AGBL4: variants seen among roughly 807,000 people sequenced by gnomAD.
The protein encoded by AGBL4 is cytosolic carboxypeptidase 6.
In AGBL4, 58 loss-of-function variants were observed where a neutral mutation model predicts 66.4. The observed-to-expected ratio is 0.87, with a 90% CI of 0.71 to 1.09. The LOEUF is 1.09. AGBL4 is among the 50% of genes least tolerant of loss of function. AGBL4 has a pLI of 0.00. For synonymous variants in AGBL4, 234 were observed against 222.9 expected, an observed-to-expected ratio of 1.05 and a Z score of -0.44; for missense variants, 579 against 631.0, an observed-to-expected ratio of 0.92 and a Z score of 0.88.
At chr1:48,619,072 T>C (rs1376453982) in intron 9 of AGBL4, among the ~76,000 whole-genome samples, 1 of 152,192 alleles carries the variant, frequency 6.6e-6, no homozygotes, top group South Asian at 2.1e-4. Context: ...CTGGTGAGCA[T>C]GCCCACCCTG....
At chr1:49,146,443 T>G (rs536558250) in intron 4 of AGBL4, among the ~76,000 whole-genome samples, 2 of 152,222 alleles carry the variant, frequency 1.3e-5, no homozygotes, top group Admixed American at 6.5e-5. Flanking sequence ...AAAAGGTATC[T>G]AGCATTGTGG....
chr1:49,080,309 C>A (rs920395674), intron 4 of AGBL4, among the ~76,000 whole-genome samples: 12 of 152,050 alleles, frequency 7.9e-5, no homozygotes, highest in African/African-American at 2.7e-4. Context: ...CTTGAAGCAA[C>A]AATATGGTAC....
At chr1:49,648,492 A>G (rs772757552) in intron 3 of AGBL4, among the ~76,000 whole-genome samples, 8 of 152,146 alleles carry the variant, frequency 5.3e-5, no homozygotes, top group Non-Finnish European at 8.8e-5. Context: ...AATGTCAGAC[A>G]CAAAACCACA....
intron 5 of AGBL4, among the ~76,000 whole-genome samples, chr1:49,020,824 A>ACAGGAAGG (rs1316736823): frequency 3.3e-5 from 5 of 152,192 alleles, no homozygotes; most frequent in Non-Finnish European, 2.9e-5. Flanking sequence ...ATCCTAAAAT[A>ACAGGAAGG]CAGGAAGGCC....
chr1:49,677,541 G>T (rs1646604608), intron 3 of AGBL4, among the ~76,000 whole-genome samples: 1 of 151,954 alleles, frequency 6.6e-6, no homozygotes, highest in East Asian at 1.9e-4. Flanking sequence ...TTGGTCTGTA[G>T]TTTTATCTTT....
At chr1:49,569,478 C>T (rs973242126) in intron 3 of AGBL4, among the ~76,000 whole-genome samples, 4 of 151,846 alleles carry the variant, frequency 2.6e-5, no homozygotes, top group Non-Finnish European at 5.9e-5. Context: ...TTTCATGTAC[C>T]CCATAAATAT....
chr1:48,622,933 G>A (rs1418577755), intron 9 of AGBL4, among the ~76,000 whole-genome samples: 1 of 152,174 alleles, frequency 6.6e-6, no homozygotes, highest in Non-Finnish European at 1.5e-5. Context: ...AAAGGTTAAG[G>A]AACCTGCCCA....
chr1:49,156,467 G>C (rs1646432214), intron 4 of AGBL4, among the ~76,000 whole-genome samples: 1 of 152,146 alleles, frequency 6.6e-6, no homozygotes, highest in Non-Finnish European at 1.5e-5. Flanking sequence ...AAATTAGCTA[G>C]ATTGTTCTAG....
At chr1:48,724,231 A>G (rs1309231087) in intron 6 of AGBL4, among the ~76,000 whole-genome samples, 3 of 152,206 alleles carry the variant, frequency 2.0e-5, no homozygotes, top group East Asian at 3.8e-4. Context: ...TAATAACCCC[A>G]TAACTAGACC....
chr1:49,245,902 T>C (rs1651605994), intron 3 of AGBL4, 38 bp from the exon 4 acceptor site: 14 of 1,437,630 alleles, frequency 9.7e-6, no homozygotes, highest in Non-Finnish European at 1.2e-5. Flanking sequence ...CTTTATGCTA[T>C]GCAAATTGTA....
chr1:48,634,264 C>A (rs1570079410), intron 9 of AGBL4: 2 of 367,458 alleles, frequency 5.4e-6, no homozygotes. Flanking sequence ...TTTCCTTTAA[C>A]CCTCCAGACC....
chr1:49,429,852 T>TTA (rs1557933027), intron 3 of AGBL4, among the ~76,000 whole-genome samples: 1 of 131,548 alleles, frequency 7.6e-6, no homozygotes, highest in Admixed American at 7.2e-5. Flanking sequence ...TTGAATATAT[T>TTA]TTTTTTTTTT....
At chr1:49,418,571 A>G (rs1423115112) in intron 3 of AGBL4, among the ~76,000 whole-genome samples, 1 of 152,232 alleles carries the variant, frequency 6.6e-6, no homozygotes, top group Non-Finnish European at 1.5e-5. Context: ...GGAGTCAGGG[A>G]CAATTTTCTT....
chr1:48,668,509 G>A (rs1646225666), intron 6 of AGBL4, among the ~76,000 whole-genome samples: 1 of 152,122 alleles, frequency 6.6e-6, no homozygotes, highest in African/African-American at 2.4e-5. Flanking sequence ...GCCCCAGCTA[G>A]CACTCCATGG....
rs58132063 is a variant in AGBL4, at chr1:49,896,608, AACACACACACACAC to A, written c.35-45104_35-45091del. Among the ~76,000 whole-genome samples, 67 of 133,792 alleles carry A rather than the reference AACACACACACACAC, an allele frequency of 5.0e-4. 1 individual carries two copies. Among genetic ancestry groups the A allele is most frequent in the African/African-American group, 8.5e-4 (31 of 36,272 alleles). The allele number at this position is 133,792 out of a possible 152,430, so 87.8% of individuals were successfully genotyped here. A position where few individuals can be genotyped will look rare whatever the true frequency, so the allele number is the denominator to read the frequency against. On this transcript the variant is annotated intron_variant, in intron 1 of 13. Transcript: ENST00000371839. ...CCAAAACCAGAAACAGACCCATGAA[AACACACACACACAC>A]ACACACACACACACACACACACACA...
At chr1:49,951,946 A>C in intron 1 of AGBL4, among the ~76,000 whole-genome samples, 1 of 151,830 alleles carries the variant, frequency 6.6e-6, no homozygotes, top group East Asian at 1.9e-4. Context: ...AGAGGGAAGG[A>C]AGAAGCGAGG....
chr1:48,846,385 G>GAAAT (rs1469594787), intron 6 of AGBL4, among the ~76,000 whole-genome samples: 1 of 149,022 alleles, frequency 6.7e-6, no homozygotes, highest in African/African-American at 2.5e-5. Flanking sequence ...AAGAAAGAAA[G>GAAAT]AAAGAAAGAA....
At chr1:48,873,804 A>G (rs61785991) in intron 5 of AGBL4, among the ~76,000 whole-genome samples, 81,389 of 151,882 alleles carry the variant, frequency 0.54, 23,334 homozygotes, top group Non-Finnish European at 0.66. Context: ...CAGGAATTGG[A>G]CCACAGAGAA....
intron 6 of AGBL4, among the ~76,000 whole-genome samples, chr1:48,710,956 CAG>C (rs200191949): frequency 6.6e-6 from 1 of 150,956 alleles, no homozygotes; most frequent in Non-Finnish European, 1.5e-5. Context: ...AGGAAGCCTC[CAG>C]TGACAAACCT....
Sources: allele counts gnomAD v4.1 joint callset (sites outside exome capture counted in the v4.1 genomes callset), GRCh38; gene constraint gnomAD v4.1.1; transcripts MANE v1.5; gene names NCBI Gene and HGNC (gene_info 2026-07-23, HGNC 2026-07-21).